Variants in NKAIN2 observed in about 807,000 individuals in gnomAD.
NKAIN2 encodes sodium/potassium-transporting ATPase subunit beta-1-interacting protein 2.
A neutral mutation model predicts 32.6 loss-of-function variants in NKAIN2; 14 were observed. The observed-to-expected ratio is 0.43, with a 90% CI of 0.28 to 0.67. The LOEUF is 0.67. Among genes scored for constraint, NKAIN2 ranks in the 30% least tolerant of loss-of-function variants. The pLI is 0.17. For synonymous variants in NKAIN2, 80 were observed against 87.2 expected, an observed-to-expected ratio of 0.92 and a Z score of 0.46; for missense variants, 198 against 258.3, an observed-to-expected ratio of 0.77 and a Z score of 1.60.
intron 3 of NKAIN2, among the ~76,000 whole-genome samples, chr6:124,412,010 G>A (rs147346664): frequency 0.011 from 1,634 of 152,186 alleles, 16 homozygotes; most frequent in East Asian, 0.031. Context: ...CGTGGTTCTC[G>A]TGCCGTGGTT....
chr6:124,123,281 G>GAA (rs770587474), intron 1 of NKAIN2, among the ~76,000 whole-genome samples: 4 of 151,992 alleles, frequency 2.6e-5, no homozygotes, highest in Non-Finnish European at 5.9e-5. Flanking sequence ...ATAGGCTCCT[G>GAA]AAAGGAGGAT....
chr6:123,903,719 A>AT (rs1177765683), intron 1 of NKAIN2, among the ~76,000 whole-genome samples: 2 of 152,172 alleles, frequency 1.3e-5, no homozygotes, highest in Admixed American at 6.5e-5. Context: ...TTATCTTCTT[A>AT]TTTTGGATAT....
At chr6:124,657,329 A>G (rs543800410) in intron 3 of NKAIN2, among the ~76,000 whole-genome samples, 3 of 152,290 alleles carry the variant, frequency 2.0e-5, no homozygotes, top group African/African-American at 7.2e-5. Context: ...TTGCTGAATA[A>G]TAAAATGCTT....
chr6:124,490,589 CAATACCATT>C (rs1777825379), intron 3 of NKAIN2, among the ~76,000 whole-genome samples: 1 of 151,468 alleles, frequency 6.6e-6, no homozygotes, highest in Admixed American at 6.6e-5. Context: ...TAGCAAATAG[CAATACCATT>C]AATTTCAGTC....
chr6:123,857,601 A>G (rs887406501), intron 1 of NKAIN2, among the ~76,000 whole-genome samples: 1 of 152,238 alleles, frequency 6.6e-6, no homozygotes, highest in Non-Finnish European at 1.5e-5. Flanking sequence ...TGTTAAGACA[A>G]AATTTTACAT....
chr6:124,538,152 G>A (rs1185012396), intron 3 of NKAIN2, among the ~76,000 whole-genome samples: 1 of 151,156 alleles, frequency 6.6e-6, no homozygotes, highest in Non-Finnish European at 1.5e-5. Context: ...GTTTAATTTT[G>A]TATGTTCCTT....
At chr6:124,062,092 G>A (rs1210466890) in intron 1 of NKAIN2, among the ~76,000 whole-genome samples, 1 of 152,066 alleles carries the variant, frequency 6.6e-6, no homozygotes, top group African/African-American at 2.4e-5. Context: ...GCTCAAGTAG[G>A]CTTGTTCATT....
intron 1 of NKAIN2, among the ~76,000 whole-genome samples, chr6:124,043,123 C>T (rs749591218): frequency 2.0e-5 from 3 of 151,910 alleles, no homozygotes; most frequent in Admixed American, 1.3e-4. Flanking sequence ...TTTGGGAGGC[C>T]GAGGTGGGCG....
chr6:124,154,214 C>T (rs534190898), intron 1 of NKAIN2, among the ~76,000 whole-genome samples: 34 of 151,612 alleles, frequency 2.2e-4, no homozygotes, highest in Non-Finnish European at 3.4e-4. Context: ...GTAAGTTATA[C>T]GAAGTATAAA....
rs377040434 is a variant in NKAIN2 at position 124,152,943 on chromosome 6, TA to T, written c.55-130054del. 7.9e-5 allele frequency among the ~76,000 whole-genome samples: 12 copies of T among 151,614 alleles called. No individual in the cohort carries two copies. In the South Asian group the frequency reaches 2.1e-3, roughly 26 times the overall value. On this transcript the variant is annotated intron_variant, in intron 1 of 6. Coordinates refer to ENST00000368417, the MANE Select transcript of NKAIN2 (RefSeq NM_001040214.3). ...TATGTTCTCACATGTAAATGGGAGC[TA>T]AAAAAAAGTACATCTCTTGCAGTTA...
intron 1 of NKAIN2, among the ~76,000 whole-genome samples, chr6:123,976,371 CCATATATATATATATATAT>C (rs1778618056): frequency 1.8e-4 from 1 of 5,452 alleles, no homozygotes; most frequent in Admixed American, 3.0e-3. Flanking sequence ...ATATATATTC[CCATATATATATATATATAT>C]ATATATATAT....
intron 3 of NKAIN2, among the ~76,000 whole-genome samples, chr6:124,631,090 G>T (rs1256408521): frequency 6.6e-6 from 1 of 152,046 alleles, no homozygotes; most frequent in African/African-American, 2.4e-5. Context: ...CATTCCTTTG[G>T]TTCTAGCTGT....
At chr6:124,621,831 A>G (rs1377803397) in intron 3 of NKAIN2, among the ~76,000 whole-genome samples, 5 of 151,758 alleles carry the variant, frequency 3.3e-5, no homozygotes, top group Non-Finnish European at 7.4e-5. Flanking sequence ...TCCTTTCCTC[A>G]CTGCTTTGGA....
chr6:124,707,658 C>T (rs1473953166), intron 4 of NKAIN2, among the ~76,000 whole-genome samples: 2 of 151,278 alleles, frequency 1.3e-5, no homozygotes, highest in Non-Finnish European at 2.9e-5. Flanking sequence ...AGTGTCTGTT[C>T]ATGTCCTTGG....
chr6:124,218,903 C>T (rs1791632657), intron 1 of NKAIN2, among the ~76,000 whole-genome samples: 1 of 152,176 alleles, frequency 6.6e-6, no homozygotes, highest in South Asian at 2.1e-4. Flanking sequence ...TTAATTGACT[C>T]ACAGTTCCAC....
intron 4 of NKAIN2, among the ~76,000 whole-genome samples, chr6:124,670,177 T>G (rs985752773): frequency 1.3e-5 from 2 of 152,122 alleles, no homozygotes; most frequent in African/African-American, 4.8e-5. Flanking sequence ...GAAGCCAATA[T>G]TTTTCCAAGT....
intron 3 of NKAIN2, among the ~76,000 whole-genome samples, chr6:124,526,333 T>C (rs1583389107): frequency 6.6e-6 from 1 of 152,098 alleles, no homozygotes; most frequent in East Asian, 1.9e-4. Flanking sequence ...GAAGAAGCAC[T>C]TAAAAAGCCT....
intron 1 of NKAIN2, among the ~76,000 whole-genome samples, chr6:123,958,408 C>G (rs4432991): frequency 0.15 from 23,072 of 152,224 alleles, 5,123 homozygotes; most frequent in African/African-American, 0.49. Context: ...GCACATGGAG[C>G]CATCTGTTAC....
At chr6:124,423,139 A>C (rs960981359) in intron 3 of NKAIN2, among the ~76,000 whole-genome samples, 4 of 152,220 alleles carry the variant, frequency 2.6e-5, no homozygotes, top group African/African-American at 9.6e-5. Flanking sequence ...GTGAGTTCTC[A>C]AAGTGATGTA....
Sources: gnomAD v4.1 joint callset for allele counts (sites outside exome capture counted in the v4.1 genomes callset) on GRCh38, gnomAD v4.1.1 for gene constraint, MANE v1.5 for transcripts, NCBI Gene and HGNC (gene_info 2026-07-23, HGNC 2026-07-21) for gene names.